The following FYB2 variants were observed in gnomAD, a reference collection of about 807,000 sequenced individuals.
The protein encoded by FYB2 is FYN-binding protein 2.
Under a neutral mutation model 94.1 loss-of-function variants are expected in FYB2, and 103 were observed. The ratio of observed to expected loss-of-function variants is 1.09; its 90% CI spans 0.93 to 1.29. The LOEUF is 1.29. Ranked by LOEUF, FYB2 falls within the 50% of genes most tolerant of loss-of-function variation. The pLI, the probability that FYB2 is intolerant of heterozygous loss-of-function variation, is 0.00. For synonymous variants in FYB2, 293 were observed against 287.9 expected (o/e 1.02, Z -0.18); for missense variants, 896 against 841.5 (o/e 1.06, Z -0.80).
intron 1 of FYB2, among the ~76,000 whole-genome samples, chr1:56,810,702 C>T (rs150763941): frequency 1.5e-3 from 233 of 152,234 alleles, no homozygotes; most frequent in African/African-American, 5.3e-3. Flanking sequence ...ATGTAAAGAG[C>T]CAGAATAATT....
the FYB2 span, among the ~76,000 whole-genome samples, chr1:56,826,056 G>C: frequency 1.3e-5 from 2 of 152,162 alleles, no homozygotes; most frequent in Non-Finnish European, 2.9e-5. Flanking sequence ...TTCCCACAGT[G>C]GGTGCCCGAT....
chr1:56,753,924 T>G lies in FYB2; in HGVS notation c.1142A>C (p.Glu381Ala), dbSNP rs1351782920. ...FPYPEPSAKH[E>A]DKKMKEKQPC... ...TTGTTTTTCCTTCATTTTTTTATCT[T>G]CATGTTTAGCACTGAAATGTGAAGA... The change falls in exon 8 of 20, where the codon GAA (glutamate) becomes GCA (alanine). Residue 381 changes from glutamate (E) to alanine (A), a missense_variant. Glu to Ala is a moderately radical substitution (Grantham distance 107). Coordinates refer to ENST00000343433, the MANE Select transcript of FYB2 (RefSeq NM_001004303.5). 6.2e-7 allele frequency: 1 copy of G among 1,602,546 alleles called. No homozygotes were observed. Among genetic ancestry groups the G allele is most frequent in the East Asian group, 2.2e-5 (1 of 44,524 alleles).
At chr1:56,757,719 TTTCTTTCTTTCTTTCA>T (rs758648042) in intron 6 of FYB2, among the ~76,000 whole-genome samples, 4,432 of 108,578 alleles carry the variant, frequency 0.041, 145 homozygotes, top group East Asian at 0.096. Context: ...TCTTTCTTTC[TTTCTTTCTTTCTTTCA>T]TTCTTTCTTT....
chr1:56,798,113 G>C (rs924002711), intron 1 of FYB2, among the ~76,000 whole-genome samples: 12 of 152,206 alleles, frequency 7.9e-5, no homozygotes, highest in African/African-American at 2.9e-4. Flanking sequence ...ATGAGTCAGT[G>C]AATAGATATT....
At chr1:56,775,903 A>C (rs986271605) in intron 4 of FYB2, among the ~76,000 whole-genome samples, 2 of 152,228 alleles carry the variant, frequency 1.3e-5, no homozygotes, top group African/African-American at 4.8e-5. Context: ...GTTACATGCT[A>C]TTATTCACTC....
intron 8 of FYB2, among the ~76,000 whole-genome samples, chr1:56,752,403 C>A (rs950390370): frequency 2.0e-5 from 3 of 151,920 alleles, no homozygotes; most frequent in Non-Finnish European, 4.4e-5. Context: ...CTTCTGACTA[C>A]AACAGAGTAG....
chr1:56,806,517 G>T (rs2101054516), intron 1 of FYB2, among the ~76,000 whole-genome samples: 1 of 152,162 alleles, frequency 6.6e-6, no homozygotes, highest in Non-Finnish European at 1.5e-5. Context: ...AGGTCTCACA[G>T]GCCACTAGAA....
chr1:56,812,341 T>C (rs1471983112), intron 1 of FYB2, among the ~76,000 whole-genome samples: 1 of 152,110 alleles, frequency 6.6e-6, no homozygotes, highest in African/African-American at 2.4e-5. Context: ...ACCATGACTA[T>C]GGTAAAAAGA....
chr1:56,740,300 AT>A (rs991914082), intron 13 of FYB2, among the ~76,000 whole-genome samples: 1 of 152,080 alleles, frequency 6.6e-6, no homozygotes, highest in African/African-American at 2.4e-5. Context: ...GATAAATTAA[AT>A]ATGGAACAGT....
At chr1:56,774,145 G>T (rs148100700) in intron 4 of FYB2, among the ~76,000 whole-genome samples, 1 of 151,910 alleles carries the variant, frequency 6.6e-6, no homozygotes, top group African/African-American at 2.4e-5. Context: ...AACTTGTTTC[G>T]TATACATATT....
At chr1:56,722,711 G>A (rs531256885) in intron 17 of FYB2, among the ~76,000 whole-genome samples, 2 of 152,140 alleles carry the variant, frequency 1.3e-5, no homozygotes, top group South Asian at 4.1e-4. Flanking sequence ...AAAGTGCAAG[G>A]CAAAGAGTGG....
At chr1:56,747,389 T>G (rs1450826304) in intron 9 of FYB2, among the ~76,000 whole-genome samples, 1 of 151,966 alleles carries the variant, frequency 6.6e-6, no homozygotes. Context: ...GTATTTGTCC[T>G]AATGCTCTCT....
chr1:56,820,950 A>G (rs1417133116), upstream of FYB2, among the ~76,000 whole-genome samples: 1 of 152,134 alleles, frequency 6.6e-6, no homozygotes, highest in Non-Finnish European at 1.5e-5. Context: ...AAATGGTAGC[A>G]CTTTCTTGAC....
intron 8 of FYB2, among the ~76,000 whole-genome samples, chr1:56,752,153 T>G (rs534768382): frequency 6.6e-6 from 1 of 151,864 alleles, no homozygotes; most frequent in East Asian, 1.9e-4. Context: ...AGCCTGGCGA[T>G]GAGGTTGAAA....
chr1:56,813,077 A>G (rs1490601085), intron 1 of FYB2, among the ~76,000 whole-genome samples: 1 of 152,278 alleles, frequency 6.6e-6, no homozygotes, highest in Admixed American at 6.5e-5. Flanking sequence ...TCATGTTCAC[A>G]TGGTGTCTTC....
chr1:56,740,930 T>A, intron 12 of FYB2, 135 bp from the exon 13 acceptor site: 1 of 502,764 alleles, frequency 2.0e-6, no homozygotes, highest in South Asian at 3.6e-5. Context: ...TACATGGTCA[T>A]AAAGATGGAA....
rs747784144 is a variant in FYB2 at position 56,753,859 on chromosome 1, A to T, written c.1207T>A (p.Tyr403Asn). 3 of 1,609,288 alleles carry T rather than the reference A, an allele frequency of 1.9e-6. No individual in the cohort carries two copies. The highest frequency in any genetic ancestry group is 2.6e-6 in the Non-Finnish European group (3 of 1,176,126). Residue 403 changes from tyrosine (Y) to asparagine (N), a missense_variant, in exon 8 of 20, where the codon TAT (tyrosine) becomes AAT (asparagine). Tyr to Asn is a moderately radical substitution (Grantham distance 143). Transcript: ENST00000343433. ...LKPKNTEKEP[Y>N]SNHVFKVDAC... is the part of the protein sequence containing the mutation. ...GGTACCTTGAAAACATGGTTTGAAT[A>T]TGGTTCCTTTTCTGTGTTTTTAGGT...
At chr1:56,740,579 C>T in intron 13 of FYB2, 118 bp downstream of exon 13, 1 of 565,500 alleles carries the variant, frequency 1.8e-6, no homozygotes, top group Admixed American at 3.5e-5. Flanking sequence ...GATGGCCAGA[C>T]CCTTGGTTTT....
At chr1:56,757,747 T>TTTCTTTCTTTCC (rs1557617435) in intron 6 of FYB2, among the ~76,000 whole-genome samples, 6 of 128,876 alleles carry the variant, frequency 4.7e-5, no homozygotes, top group African/African-American at 1.8e-4. Context: ...TCTTTCTTTC[T>TTTCTTTCTTTCC]TTCTTTCTTT....
Sources: allele counts gnomAD v4.1 joint callset (sites outside exome capture counted in the v4.1 genomes callset), GRCh38; gene constraint gnomAD v4.1.1; transcripts MANE v1.5; gene names NCBI Gene and HGNC (gene_info 2026-07-23, HGNC 2026-07-21).